Variants in NAALADL2 observed in about 807,000 individuals in gnomAD.
NAALADL2 encodes the protein inactive N-acetylated-alpha-linked acidic dipeptidase-like protein 2.
NAALADL2 carries 76 observed loss-of-function variants against 87.2 expected under a neutral mutation model. The observed-to-expected ratio is 0.87, with a 90% CI of 0.72 to 1.05. The LOEUF (loss-of-function observed/expected upper bound fraction) is 1.05, where lower values mean the gene tolerates loss of function less well. Among genes scored for constraint, NAALADL2 ranks in the 50% least tolerant of loss-of-function variants. The pLI is 0.00. For missense variants in NAALADL2, 1,089 were observed against 945.8 expected, an observed-to-expected ratio of 1.15 and a Z score of -1.99; for synonymous variants, 354 against 331.0, an observed-to-expected ratio of 1.07 and a Z score of -0.75.
At chr3:174,901,040 G>A (rs530014257) in intron 1 of NAALADL2, among the ~76,000 whole-genome samples, 1 of 152,248 alleles carries the variant, frequency 6.6e-6, no homozygotes, top group Admixed American at 6.5e-5. Flanking sequence ...ATTGGAATCA[G>A]TGTGTCCAAC....
At position 174,787,598 on chromosome 3, in the gene NAALADL2, T is replaced by TACATATATATATATATACAC; in HGVS notation, c.-9+49853_-9+49854insCATATATATATATATACACA. Among the ~76,000 whole-genome samples, 9 of 60,168 alleles carry TACATATATATATATATACAC rather than the reference T, an allele frequency of 1.5e-4. 1 individual carries two copies. Among genetic ancestry groups the TACATATATATATATATACAC allele is most frequent in the East Asian group, 1.4e-3 (2 of 1,440 alleles). 39.5% of individuals were successfully genotyped at this position (60,168 alleles called of 152,430 possible). On this transcript the variant is annotated intron_variant, in intron 3 of 3. Transcript: ENST00000434257. ...CATCATATATATATATATATATATA[T>TACATATATATATATATACAC]ATATATATATATATATATATATAGT...
chr3:175,074,083 C>T (rs1716152907), intron 1 of NAALADL2, among the ~76,000 whole-genome samples: 1 of 152,002 alleles, frequency 6.6e-6, no homozygotes, highest in Admixed American at 6.6e-5. Context: ...CTGTTCTACT[C>T]CCTATGTCTA....
chr3:175,374,055 G>A (rs906885303), intron 5 of NAALADL2, among the ~76,000 whole-genome samples: 1 of 151,904 alleles, frequency 6.6e-6, no homozygotes, highest in Admixed American at 6.6e-5. Context: ...CCATTTGTCA[G>A]ATATACATAT....
intron 13 of NAALADL2, among the ~76,000 whole-genome samples, chr3:175,762,109 A>G (rs1748095353): frequency 1.3e-5 from 2 of 151,480 alleles, no homozygotes; most frequent in Middle Eastern, 3.4e-3. Context: ...ATCTTCTAGA[A>G]GTTTTATAGT....
rs1375332441 is a variant in NAALADL2, at chr3:174,639,860, T to A, written c.-115+89223T>A. On this transcript the variant is annotated intron_variant, in intron 2 of 3. Coordinates refer to the NAALADL2 transcript ENST00000434257. ...CAGTGGGATATAAATATTATAATAA[T>A]TTGATACCAACTACCACCTATATTA... 3.9e-5 allele frequency among the ~76,000 whole-genome samples: 6 copies of A among 152,382 alleles called. No homozygotes were observed. In the East Asian group the frequency reaches 9.6e-4, roughly 24 times the overall value.
chr3:174,830,816 C>T (rs966746164), intron 3 of NAALADL2, among the ~76,000 whole-genome samples: 5 of 152,058 alleles, frequency 3.3e-5, no homozygotes, highest in Admixed American at 6.6e-5. Flanking sequence ...TTGAAGAGGT[C>T]CTTCACATCC....
At chr3:175,555,497 A>G (rs1043269489) in intron 9 of NAALADL2, among the ~76,000 whole-genome samples, 3 of 152,176 alleles carry the variant, frequency 2.0e-5, no homozygotes, top group African/African-American at 7.2e-5. Context: ...TTTAAACAAT[A>G]TATTCCTTAT....
rs1483269542 is a variant in NAALADL2 at position 174,707,259 on chromosome 3, T to C, written c.-114-30382T>C. ...TGGCGATTCCTCGGGGATCTAGAAC[T>C]AGAAATACCATTTGACCCACCAATC... On this transcript the variant is annotated intron_variant, in intron 2 of 3. Coordinates refer to the NAALADL2 transcript ENST00000434257. Among the ~76,000 whole-genome samples, 12 of 107,056 alleles carry C rather than the reference T, an allele frequency of 1.1e-4. No individual in the cohort carries two copies. In the Admixed American group the frequency reaches 1.3e-3, roughly 12 times the overall value. The allele number at this position is 107,056 out of a possible 152,430, so 70.2% of individuals were successfully genotyped here.
chr3:174,999,754 G>C (rs931278737), intron 1 of NAALADL2, among the ~76,000 whole-genome samples: 1 of 151,934 alleles, frequency 6.6e-6, no homozygotes, highest in Admixed American at 6.6e-5. Context: ...TTCAAACTTT[G>C]GACACAGACA....
chr3:174,846,294 C>T (rs999366802), intron 3 of NAALADL2, among the ~76,000 whole-genome samples: 6 of 152,262 alleles, frequency 3.9e-5, no homozygotes, highest in East Asian at 1.9e-4. Context: ...TTGTCATTTC[C>T]GTGTTGCTTC....
intron 2 of NAALADL2, among the ~76,000 whole-genome samples, chr3:174,704,735 C>A (rs1729897694): frequency 6.6e-6 from 1 of 151,922 alleles, no homozygotes; most frequent in Admixed American, 6.6e-5. Flanking sequence ...ATTATCAATT[C>A]ATACCCCATG....
chr3:175,278,282 T>TA (rs1034699139), intron 4 of NAALADL2, among the ~76,000 whole-genome samples: 2 of 152,174 alleles, frequency 1.3e-5, no homozygotes, highest in Middle Eastern at 6.3e-3. Context: ...TGATACACAG[T>TA]AGGAGTGTCT....
chr3:174,536,765 G>C (rs568230352), intron 1 of NAALADL2: 1 of 152,196 alleles, frequency 6.6e-6, no homozygotes, highest in East Asian at 1.9e-4. Context: ...CTTTCTCTCT[G>C]TAACTGCTGT....
chr3:175,712,626 A>G (rs1740684514), intron 11 of NAALADL2, among the ~76,000 whole-genome samples: 1 of 152,044 alleles, frequency 6.6e-6, no homozygotes, highest in Non-Finnish European at 1.5e-5. Context: ...AGTTTTATAT[A>G]TGTGTGCCAG....
intron 2 of NAALADL2, among the ~76,000 whole-genome samples, chr3:174,661,927 TAGAA>T (rs969645433): frequency 5.9e-5 from 9 of 152,074 alleles, no homozygotes; most frequent in African/African-American, 2.2e-4. Context: ...ATCTTGGAAA[TAGAA>T]AGCAAAATAC....
rs1265889987 is a variant in NAALADL2 at position 175,347,672 on chromosome 3, A to G, written c.1090+23347A>G. The stretch of plus-strand genomic sequence containing the variant: ...GTCAAGATTTCCTTTAGAAAGTGAA[A>G]TAAGTTTAGGTAACACACAGAACAA... On this transcript the variant is annotated intron_variant, in intron 5 of 13. Coordinates refer to ENST00000454872, the MANE Select transcript of NAALADL2 (RefSeq NM_207015.3). Among the ~76,000 whole-genome samples the G allele has an allele frequency of 2.6e-5, 4 of 152,202 alleles. No homozygotes were observed. In the East Asian group the frequency reaches 7.7e-4, roughly 29 times the overall value.
At chr3:175,498,608 G>T (rs6773476) in intron 9 of NAALADL2, among the ~76,000 whole-genome samples, 4,821 of 152,066 alleles carry the variant, frequency 0.032, 278 homozygotes, top group African/African-American at 0.11. Flanking sequence ...GATTTTTATA[G>T]GTGATTTTGC....
At chr3:174,932,955 T>C (rs1268936206) in intron 1 of NAALADL2, among the ~76,000 whole-genome samples, 2 of 152,062 alleles carry the variant, frequency 1.3e-5, no homozygotes, top group East Asian at 1.9e-4. Flanking sequence ...CCGTCTCTAC[T>C]AAAAATGCAA....
chr3:174,942,571 G>T (rs557514075), intron 1 of NAALADL2, among the ~76,000 whole-genome samples: 13 of 152,236 alleles, frequency 8.5e-5, no homozygotes, highest in African/African-American at 2.6e-4. Flanking sequence ...GAATCTGACT[G>T]TTGGGCTCTA....
Sources: gnomAD v4.1 joint callset for allele counts (sites outside exome capture counted in the v4.1 genomes callset) on GRCh38, gnomAD v4.1.1 for gene constraint, MANE v1.5 for transcripts, NCBI Gene and HGNC (gene_info 2026-07-23, HGNC 2026-07-21) for gene names.